The following C2orf49 variants were observed in gnomAD, a reference collection of about 807,000 sequenced individuals.
C2orf49 encodes tRNA splicing ligase complex subunit 2.
C2orf49 carries 11 observed loss-of-function variants against 20.6 expected under a neutral mutation model. The ratio of observed to expected loss-of-function variants is 0.53; its 90% confidence interval spans 0.34 to 0.88. The LOEUF is 0.88. C2orf49 is among the 40% of genes least tolerant of loss of function. C2orf49 has a pLI of 0.02. For missense variants in C2orf49, 289 were observed against 274.2 expected, an observed-to-expected ratio of 1.05 and a Z score of -0.38; for synonymous variants, 134 against 108.5, an observed-to-expected ratio of 1.24 and a Z score of -1.46.
rs781144157 is a variant in C2orf49 at position 105,339,634 on chromosome 2, G to A, written c.151G>A (p.Asp51Asn). The part of the protein sequence containing the change: ...DVRVNKDSLT[D>N]LYVQHAIPLP... Reference sequence around the variant, plus strand: ...AAGAGTAAACAAAGACAGTCTTACTGACCTTTATGTCCAACATGCAATACC... The same window carrying A: ...AAGAGTAAACAAAGACAGTCTTACTAACCTTTATGTCCAACATGCAATACC... The change falls in exon 2 of 4, where the codon GAC (aspartate) becomes AAC (asparagine). Residue 51 changes from aspartate to asparagine, a missense_variant. By Grantham distance (23) the Asp-to-Asn change is conservative. Coordinates refer to ENST00000258457, the MANE Select transcript of C2orf49 (RefSeq NM_024093.3). The A allele has an allele frequency of 1.2e-6, 2 of 1,606,830 alleles. No homozygotes were observed. Among genetic ancestry groups the A allele is most frequent in the East Asian group, 2.2e-5 (1 of 44,536 alleles).
chr2:105,382,391 C>T, the C2orf49 span, among the ~76,000 whole-genome samples: 1 of 152,216 alleles, frequency 6.6e-6, no homozygotes, highest in Non-Finnish European at 1.5e-5. Context: ...TAGCAGGTGG[C>T]ATCACATGCT....
At chr2:105,350,591 AACTT>A (rs1463001119), downstream of C2orf49, among the ~76,000 whole-genome samples, 4 of 152,354 alleles carry the variant, frequency 2.6e-5, no homozygotes, top group East Asian at 3.9e-4. Context: ...TTTAAACTAA[AACTT>A]ACTTCTTTGA....
At chr2:105,361,414 T>C in the C2orf49 span, 1 of 1,614,092 alleles carries the variant, frequency 6.2e-7, no homozygotes, top group Non-Finnish European at 8.5e-7. Flanking sequence ...TCAAAGGAGA[T>C]GTATTTTGTG....
the C2orf49 span, among the ~76,000 whole-genome samples, chr2:105,355,744 A>T: frequency 6.6e-6 from 1 of 151,190 alleles, no homozygotes. Context: ...AAAAGTTCTA[A>T]GTTATATAGC....
intron 2 of C2orf49, among the ~76,000 whole-genome samples, chr2:105,342,003 T>C (rs1053019254): frequency 6.6e-6 from 1 of 152,136 alleles, no homozygotes; most frequent in Non-Finnish European, 1.5e-5. Context: ...TGAAACCCCG[T>C]CTCTACTAAA....
Position 105,345,440 on chromosome 2 carries a change from A to G in C2orf49, c.*69A>G, listed in dbSNP as rs987596727. 3.5e-5 allele frequency: 41 copies of G among 1,174,186 alleles called. No individual in the cohort carries two copies. The African/African-American group carries it at 4.7e-4, about 13-fold the overall frequency. The allele number at this position is 1,174,186 out of a possible 1,614,324, so 72.7% of individuals were successfully genotyped here. Reference sequence around the variant, plus strand: ...TCAAATATGTTCATATATATTGACAATATTTACAGAAATCCTGATTATTGT... The same window carrying G: ...TCAAATATGTTCATATATATTGACAGTATTTACAGAAATCCTGATTATTGT... On this transcript the variant is annotated 3_prime_UTR_variant, in exon 4 of 4. Coordinates refer to ENST00000258457, the MANE Select transcript of C2orf49 (RefSeq NM_024093.3).
the C2orf49 span, chr2:105,375,510 T>C: frequency 2.0e-5 from 3 of 152,436 alleles, no homozygotes; most frequent in East Asian, 5.8e-4. Flanking sequence ...TGGTGGTGCA[T>C]GCCTTTAGTC....
Position 105,347,446 on chromosome 2 carries a change from A to G in C2orf49, c.*2075A>G, listed in dbSNP as rs376439271. The G allele has an allele frequency of 4.6e-5, 7 of 152,314 alleles. No individual in the cohort carries two copies. The East Asian group carries it at 9.6e-4, about 21-fold the overall frequency. The allele number at this position is 152,314 out of a possible 1,614,324, so 9.4% of individuals were successfully genotyped here. On this transcript the variant is annotated 3_prime_UTR_variant, in exon 4 of 4. Coordinates refer to ENST00000258457, the MANE Select transcript of C2orf49 (RefSeq NM_024093.3). Reference sequence around the variant, plus strand: ...TTTTTAGTTACTCAATAAAATTAATATTTTATTTGTATTTTAACTTACAGA... The same window carrying G: ...TTTTTAGTTACTCAATAAAATTAATGTTTTATTTGTATTTTAACTTACAGA...
At position 105,348,650 on chromosome 2, in the gene C2orf49, C is replaced by G. The variant is rs1679872209; in HGVS notation, c.*3279C>G. ...TGTTTTTAAGTGTGCTCTTTTATTA[C>G]ATGCTTGTGCAGGTTTTGTAATTCA... On this transcript the variant is annotated 3_prime_UTR_variant, in exon 4 of 4. Coordinates refer to ENST00000258457, the MANE Select transcript of C2orf49 (RefSeq NM_024093.3). The G allele has an allele frequency of 6.6e-6, 1 of 150,742 alleles. No homozygotes were observed. The highest frequency in any genetic ancestry group is 2.1e-4 in the South Asian group (1 of 4,804). 9.3% of individuals were successfully genotyped at this position (150,742 alleles called of 1,614,324 possible).
chr2:105,359,887 A>G, the C2orf49 span: 110,522 of 152,062 alleles, frequency 0.73, 40,416 homozygotes, highest in East Asian at 0.82. Flanking sequence ...ATGTGGATCC[A>G]TAACACTGGG....
At chr2:105,355,191 GGAAGAAAAA>G in the C2orf49 span, among the ~76,000 whole-genome samples, 5 of 152,048 alleles carry the variant, frequency 3.3e-5, no homozygotes, top group African/African-American at 1.2e-4. Context: ...ATGGAGGGAG[GGAAGAAAAA>G]GAAGGAAAAG....
chr2:105,372,374 C>T, the C2orf49 span, among the ~76,000 whole-genome samples: 18 of 151,444 alleles, frequency 1.2e-4, no homozygotes, highest in African/African-American at 3.9e-4. Context: ...TACAGACGCC[C>T]GCCACTATGC....
chr2:105,375,758 C>G, the C2orf49 span: 1 of 152,232 alleles, frequency 6.6e-6, no homozygotes. Context: ...GTCAGGGGGA[C>G]TCGGGGGCAG....
At chr2:105,383,982 T>G in the C2orf49 span, among the ~76,000 whole-genome samples, 142 of 152,362 alleles carry the variant, frequency 9.3e-4, 1 homozygote, top group Middle Eastern at 3.4e-3. Flanking sequence ...CTTGATGATT[T>G]TGGCTCCATT....
At chr2:105,373,704 A>G in the C2orf49 span, 7 of 1,614,168 alleles carry the variant, frequency 4.3e-6, no homozygotes, top group Admixed American at 8.3e-5. Flanking sequence ...AACAGGCTTC[A>G]TGCCAGTGCC....
downstream of C2orf49, among the ~76,000 whole-genome samples, chr2:105,351,548 G>GT (rs1363849226): frequency 6.6e-6 from 1 of 152,100 alleles, no homozygotes; most frequent in Non-Finnish European, 1.5e-5. Flanking sequence ...TCTAATGTGT[G>GT]TTTTTGTTTT....
At position 105,342,911 on chromosome 2, in the gene C2orf49, T is replaced by C. The variant is rs1451629364; in HGVS notation, c.330T>C (p.Ser110=). The change falls in exon 3 of 4, where the codon AGT becomes AGC. Residue 110 remains serine (S), a synonymous_variant. Coordinates refer to ENST00000258457, the MANE Select transcript of C2orf49 (RefSeq NM_024093.3). ...PLIVFDGSST[S]TSIKVKKTEN... is the part of the protein sequence containing the mutation. ...TCGTATTTGATGGAAGTTCAACAAG[T>C]ACAAGCATAAAAGTGAAAAAGACAG... 1.2e-6 allele frequency: 2 copies of C among 1,614,044 alleles called. No individual in the cohort carries two copies. Among genetic ancestry groups the C allele is most frequent in the African/African-American group, 2.7e-5 (2 of 74,900 alleles).
chr2:105,373,586 G>A, the C2orf49 span: 2 of 1,614,096 alleles, frequency 1.2e-6, no homozygotes, highest in African/African-American at 1.3e-5. Context: ...TTGCATTCCT[G>A]GCACTTGGAT....
downstream of C2orf49, among the ~76,000 whole-genome samples, chr2:105,349,366 A>C (rs1679887163): frequency 6.6e-6 from 1 of 152,152 alleles, no homozygotes; most frequent in Admixed American, 6.5e-5. Flanking sequence ...TGTAGCTGGG[A>C]CTACAGGCAT....
Sources: allele counts gnomAD v4.1 joint callset (sites outside exome capture counted in the v4.1 genomes callset), GRCh38; gene constraint gnomAD v4.1.1; transcripts MANE v1.5; gene names NCBI Gene and HGNC (gene_info 2026-07-23, HGNC 2026-07-21).